Variants in TRIO observed in about 807,000 individuals in gnomAD.
The protein encoded by TRIO is trio Rho guanine nucleotide exchange factor, also known as triple functional domain protein.
Under a neutral mutation model 351.9 loss-of-function variants are expected in TRIO, and 58 were observed. The observed-to-expected ratio is 0.16, with a 90% CI of 0.13 to 0.21. The LOEUF (loss-of-function observed/expected upper bound fraction) is 0.21. TRIO is among the 10% of genes least tolerant of loss of function. The probability of loss-of-function intolerance (pLI) is 1.00; values close to 1 mark genes in which losing one functional copy is unlikely to be tolerated. For missense variants in TRIO, 3,201 were observed against 4,027.8 expected (o/e 0.79, Z 5.56); for synonymous variants, 1,758 against 1,595.7 (o/e 1.10, Z -2.42).
intron 34 of TRIO, among the ~76,000 whole-genome samples, chr5:14,438,986 C>T (rs866240927): frequency 6.6e-6 from 1 of 152,226 alleles, no homozygotes; most frequent in Non-Finnish European, 1.5e-5. Context: ...TGCGATGCTA[C>T]ACCTCTGACA....
intron 35 of TRIO, among the ~76,000 whole-genome samples, chr5:14,462,231 C>T (rs1167633766): frequency 3.9e-5 from 6 of 152,194 alleles, no homozygotes; most frequent in African/African-American, 1.2e-4. Flanking sequence ...GTATTATGTA[C>T]ATTCTTGATA....
At chr5:14,396,263 G>A (rs934628066) in intron 28 of TRIO, among the ~76,000 whole-genome samples, 6 of 151,796 alleles carry the variant, frequency 4.0e-5, no homozygotes, top group East Asian at 1.9e-4. Flanking sequence ...CTCATGCGGT[G>A]TTACTGTTTC....
chr5:14,501,976 A>G (rs1252508348), intron 53 of TRIO, among the ~76,000 whole-genome samples: 6 of 152,212 alleles, frequency 3.9e-5, no homozygotes, highest in Non-Finnish European at 8.8e-5. Context: ...TCCTGTGGAC[A>G]TGTACACAGG....
intron 14 of TRIO, 78 bp from the exon 15 acceptor site, chr5:14,364,572 A>AT (rs1209584245): frequency 6.0e-6 from 9 of 1,510,922 alleles, no homozygotes; most frequent in Admixed American, 4.2e-5. Flanking sequence ...ACAAAAGCAG[A>AT]TTTTGTGCCA....
At chr5:14,170,808 G>T (rs1399387247) in intron 1 of TRIO, among the ~76,000 whole-genome samples, 10 of 152,026 alleles carry the variant, frequency 6.6e-5, no homozygotes, top group Admixed American at 5.9e-4. Context: ...CCTGGCTCGA[G>T]ATGTAATATA....
rs1199418740 is a variant in TRIO at position 14,297,111 on chromosome 5, A to G, written c.1216A>G (p.Asn406Asp). Residue 406 changes from asparagine to aspartate, a missense_variant, in exon 7 of 57, where the codon AAT (asparagine) becomes GAT (aspartate). Physicochemically the swap from Asn to Asp is conservative, Grantham distance 23. Transcript: ENST00000344204. Reference sequence around the variant, plus strand: ...TATAAACCGCATCATGTCGGTGGCCAATCGTCTGGTGGAGTCTGGCCACTA... The same window carrying G: ...TATAAACCGCATCATGTCGGTGGCCGATCGTCTGGTGGAGTCTGGCCACTA... ...VNINRIMSVA[N>D]RLVESGHYAS... 1.9e-6 allele frequency: 3 copies of G among 1,614,008 alleles called. No individual in the cohort carries two copies. The highest frequency in any genetic ancestry group is 1.7e-4 in the Middle Eastern group (1 of 6,060).
chr5:14,496,882 G>A lies in TRIO; in HGVS notation c.7884G>A (p.Lys2628=). The A allele has an allele frequency of 6.2e-7, 1 of 1,614,072 alleles. No individual in the cohort carries two copies. Among genetic ancestry groups the A allele is most frequent in the South Asian group, 1.1e-5 (1 of 91,076 alleles). Residue 2628 remains lysine, a synonymous_variant, in exon 50 of 57, where the codon AAG becomes AAA. Transcript: ENST00000344204. ...ACAGTGTGTTCATTTCCCCTAGGAA[G>A]TCAACATCTTGGCACACAGCACTCC... The part of the protein sequence containing the change: ...IVENPDGTLK[K]STSWHTALRL...
chr5:14,181,260 A>G (rs1789749240), intron 1 of TRIO, among the ~76,000 whole-genome samples: 1 of 152,216 alleles, frequency 6.6e-6, no homozygotes, highest in East Asian at 1.9e-4. Context: ...TTAGAGAACC[A>G]TGAAAAGGAA....
intron 3 of TRIO, among the ~76,000 whole-genome samples, chr5:14,281,590 C>T (rs960936044): frequency 6.6e-6 from 1 of 152,114 alleles, no homozygotes; most frequent in Non-Finnish European, 1.5e-5. Context: ...TAATACCATG[C>T]TGATATAATC....
chr5:14,183,913 G>A (rs354301), intron 1 of TRIO: 580,563 of 693,510 alleles, frequency 0.84, 245,200 homozygotes, highest in East Asian at 0.99. Context: ...CGTGGTAACC[G>A]TTTTTTAAAA....
At position 14,488,348 on chromosome 5, in the gene TRIO, C is replaced by G. The variant is rs781374651; in HGVS notation, c.7632+88C>G. ...GCCACCGCGGCTGTTCTCACTAACTCGGCTGCCCAGCGCTCTCCGCCGCCC... is the reference window on the plus strand; with the variant it reads ...GCCACCGCGGCTGTTCTCACTAACTGGGCTGCCCAGCGCTCTCCGCCGCCC... On this transcript the variant is annotated intron_variant, in intron 48 of 56. Transcript: ENST00000344204. 45 of 1,478,492 alleles carry G rather than the reference C, an allele frequency of 3.0e-5. 1 individual carries two copies. In the Middle Eastern group the frequency reaches 1.0e-3, roughly 33 times the overall value. The allele number at this position is 1,478,492 out of a possible 1,614,324, so 91.6% of individuals were successfully genotyped here. A position where few individuals can be genotyped will look rare whatever the true frequency, so the allele number is the denominator to read the frequency against.
At chr5:14,258,670 T>C (rs903269010) in intron 1 of TRIO, among the ~76,000 whole-genome samples, 1 of 152,044 alleles carries the variant, frequency 6.6e-6, no homozygotes, top group Non-Finnish European at 1.5e-5. Flanking sequence ...CCTCTCACCT[T>C]CTACCTCCCC....
At chr5:14,216,372 C>G (rs1228000799) in intron 1 of TRIO, among the ~76,000 whole-genome samples, 1 of 152,186 alleles carries the variant, frequency 6.6e-6, no homozygotes, top group African/African-American at 2.4e-5. Flanking sequence ...TTAGTTTTGC[C>G]TGCCCATTTA....
chr5:14,324,060 A>G lies in TRIO; in HGVS notation c.1732-6718A>G, dbSNP rs16903395. Among the ~76,000 whole-genome samples, 846 of 152,318 alleles carry G rather than the reference A, an allele frequency of 5.6e-3. 8 individuals are homozygous for G. Among genetic ancestry groups the G allele is most frequent in the African/African-American group, 0.018 (760 of 41,566 alleles). On this transcript the variant is annotated intron_variant, in intron 9 of 56. Coordinates refer to ENST00000344204, the MANE Select transcript of TRIO (RefSeq NM_007118.4). ...TGATAGTCCAGAAAGCTCAGAATGTAATATGTTCATTTCTCTATCAGTTTC... is the reference window on the plus strand; with the variant it reads ...TGATAGTCCAGAAAGCTCAGAATGTGATATGTTCATTTCTCTATCAGTTTC...
rs527562257 is a variant in TRIO at position 14,289,547 on chromosome 5, T to C, written c.541-1169T>C. On this transcript the variant is annotated intron_variant, in intron 4 of 56. Transcript: ENST00000344204. ...TGGAAGACAGAGCATGACCCTTTTT[T>C]TCCTTTTTTAAAAAAAAAGGTCGTG... Among the ~76,000 whole-genome samples, 16 of 139,820 alleles carry C rather than the reference T, an allele frequency of 1.1e-4. No individual in the cohort carries two copies. In the East Asian group the frequency reaches 1.4e-3, roughly 12 times the overall value. 91.7% of individuals were successfully genotyped at this position (139,820 alleles called of 152,430 possible).
intron 11 of TRIO, among the ~76,000 whole-genome samples, chr5:14,356,195 A>G (rs1743596583): frequency 6.6e-6 from 1 of 152,210 alleles, no homozygotes; most frequent in Non-Finnish European, 1.5e-5. Flanking sequence ...CAATAAAAGT[A>G]TATTTTATGT....
intron 18 of TRIO, among the ~76,000 whole-genome samples, chr5:14,371,610 A>G (rs1424971195): frequency 6.6e-6 from 1 of 151,234 alleles, no homozygotes; most frequent in African/African-American, 2.4e-5. Flanking sequence ...GAAATCCAGC[A>G]TTGTTAAAAT....
chr5:14,354,485 G>A (rs1743430974), intron 11 of TRIO, among the ~76,000 whole-genome samples: 1 of 152,186 alleles, frequency 6.6e-6, no homozygotes, highest in Non-Finnish European at 1.5e-5. Context: ...TGAGTGACCC[G>A]GACGCCCTCC....
chr5:14,257,256 G>A (rs1354837452), intron 1 of TRIO, among the ~76,000 whole-genome samples: 1 of 152,204 alleles, frequency 6.6e-6, no homozygotes, highest in Non-Finnish European at 1.5e-5. Flanking sequence ...CCACTAGCAA[G>A]GGTGAGGCCG....
Sources: gnomAD v4.1 joint callset for allele counts (sites outside exome capture counted in the v4.1 genomes callset) on GRCh38, gnomAD v4.1.1 for gene constraint, MANE v1.5 for transcripts, NCBI Gene and HGNC (gene_info 2026-07-23, HGNC 2026-07-21) for gene names.